The following NCKAP1L variants were observed in gnomAD, a reference collection of about 807,000 sequenced individuals.
The protein encoded by NCKAP1L is NCK associated protein 1 like, also known as nck-associated protein 1-like.
A neutral mutation model predicts 139.2 loss-of-function variants in NCKAP1L; 53 were observed. That is an observed-to-expected ratio of 0.38 (90% CI 0.31 to 0.48). The LOEUF (loss-of-function observed/expected upper bound fraction) is 0.48. Among genes scored for constraint, NCKAP1L ranks in the 20% least tolerant of loss-of-function variants. NCKAP1L has a pLI of 0.98. For missense variants in NCKAP1L, 1,151 were observed against 1,381.9 expected, an observed-to-expected ratio of 0.83 and a Z score of 2.65; for synonymous variants, 468 against 499.7, an observed-to-expected ratio of 0.94 and a Z score of 0.85.
intron 30 of NCKAP1L, 118 bp from the exon 31 acceptor site, chr12:54,542,457 C>T: frequency 1.3e-6 from 1 of 752,458 alleles, no homozygotes; most frequent in East Asian, 2.5e-5. Context: ...TGATTTGGAA[C>T]CCTGTTCACT....
chr12:54,498,434 T>TGTG (rs71070823), intron 1 of NCKAP1L, among the ~76,000 whole-genome samples: 7 of 149,564 alleles, frequency 4.7e-5, no homozygotes, highest in African/African-American at 1.2e-4. Context: ...TGTGTGTGTG[T>TGTG]TTAGAATAGG....
chr12:54,506,283 C>T (rs1057211397), intron 3 of NCKAP1L, among the ~76,000 whole-genome samples: 2 of 152,058 alleles, frequency 1.3e-5, no homozygotes, highest in Admixed American at 6.6e-5. Flanking sequence ...TCAGCACTTG[C>T]TATTATTAGA....
At chr12:54,514,894 G>C (rs1956918631) in intron 9 of NCKAP1L, among the ~76,000 whole-genome samples, 1 of 152,134 alleles carries the variant, frequency 6.6e-6, no homozygotes, top group Non-Finnish European at 1.5e-5. Flanking sequence ...ACTTTCTGAT[G>C]ATTACTGCTT....
At chr12:54,508,327 A>G (rs1956858994) in intron 4 of NCKAP1L, 62 bp from the exon 5 acceptor site, 2 of 1,550,556 alleles carry the variant, frequency 1.3e-6, no homozygotes, top group South Asian at 2.3e-5. Context: ...TGGTTGGGGA[A>G]AGAAGGAGAT....
intron 22 of NCKAP1L, among the ~76,000 whole-genome samples, chr12:54,529,007 A>G (rs1169194252): frequency 6.6e-6 from 1 of 152,192 alleles, no homozygotes; most frequent in Non-Finnish European, 1.5e-5. Flanking sequence ...AATAATAACG[A>G]TGATGAGATG....
In NCKAP1L at chr12:54,521,573, G is replaced by A. The variant is rs574655825; in HGVS notation, c.1878+335G>A. Reference sequence around the variant, plus strand: ...TCTTTGCCCTGCGTACACATACTAAGGACAGTGGCCCCCAGGTCACCTGTC... The same window carrying A: ...TCTTTGCCCTGCGTACACATACTAAAGACAGTGGCCCCCAGGTCACCTGTC... On this transcript the variant is annotated intron_variant, in intron 18 of 30. Transcript: ENST00000293373. Among the ~76,000 whole-genome samples the A allele has an allele frequency of 2.1e-4, 32 of 152,194 alleles. No individual in the cohort carries two copies. The East Asian group carries it at 5.6e-3, about 27-fold the overall frequency.
intron 15 of NCKAP1L, 93 bp downstream of exon 15, chr12:54,519,065 G>A: frequency 1.3e-6 from 2 of 1,552,584 alleles, no homozygotes; most frequent in Non-Finnish European, 1.8e-6. Flanking sequence ...GCTTTATGGA[G>A]TGAGTCAACT....
intron 3 of NCKAP1L, 176 bp downstream of exon 3, chr12:54,500,801 A>G (rs1282758533): frequency 1.8e-6 from 1 of 548,054 alleles, no homozygotes; most frequent in Admixed American, 3.3e-5. Flanking sequence ...ATAGTATATG[A>G]TACATCACAT....
rs1475544097 is a variant in NCKAP1L, at chr12:54,511,662, C to T, written c.736-141C>T. Reference sequence around the variant, plus strand: ...CCTCAAGCTATCCTCCTGCCCCTGCCTCCTAAAGTGTTGGGATTAAAGGCG... The same window carrying T: ...CCTCAAGCTATCCTCCTGCCCCTGCTTCCTAAAGTGTTGGGATTAAAGGCG... On this transcript the variant is annotated intron_variant, in intron 7 of 30. Coordinates refer to ENST00000293373, the MANE Select transcript of NCKAP1L (RefSeq NM_005337.5). 3.8e-6 allele frequency: 3 copies of T among 791,948 alleles called. No homozygotes were observed. In the Admixed American group the frequency reaches 7.9e-5, roughly 21 times the overall value. The allele number at this position is 791,948 out of a possible 1,614,324, so 49.1% of individuals were successfully genotyped here. A position where few individuals can be genotyped will look rare whatever the true frequency, so the allele number is the denominator to read the frequency against.
chr12:54,508,558 A>G, intron 5 of NCKAP1L, 27 bp downstream of exon 5: 2 of 1,612,258 alleles, frequency 1.2e-6, no homozygotes, highest in Non-Finnish European at 1.7e-6. Context: ...GTATTATATG[A>G]AGAGTCTCAT....
intron 7 of NCKAP1L, among the ~76,000 whole-genome samples, chr12:54,511,281 T>C (rs1378441174): frequency 6.6e-6 from 1 of 152,220 alleles, no homozygotes; most frequent in Non-Finnish European, 1.5e-5. Flanking sequence ...AGTTCCTCTT[T>C]ATTTTCTCAA....
At chr12:54,500,053 C>T (rs1395750484) in intron 2 of NCKAP1L, among the ~76,000 whole-genome samples, 4 of 152,138 alleles carry the variant, frequency 2.6e-5, no homozygotes, top group Non-Finnish European at 5.9e-5. Context: ...TGTTTAAAGA[C>T]CTTCAGAGCA....
At chr12:54,538,641 A>G (rs1471484950) in intron 29 of NCKAP1L, among the ~76,000 whole-genome samples, 1 of 152,092 alleles carries the variant, frequency 6.6e-6, no homozygotes, top group East Asian at 1.9e-4. Flanking sequence ...GCCCCTTGCA[A>G]TCTCTCCCCT....
intron 3 of NCKAP1L, among the ~76,000 whole-genome samples, chr12:54,507,088 A>G (rs961041193): frequency 6.6e-6 from 1 of 151,760 alleles, no homozygotes; most frequent in Non-Finnish European, 1.5e-5. Flanking sequence ...ATAATGACCA[A>G]AAAACCTGTT....
At chr12:54,536,319 T>C in intron 28 of NCKAP1L, 74 bp downstream of exon 28, 2 of 1,067,358 alleles carry the variant, frequency 1.9e-6, no homozygotes, top group Non-Finnish European at 2.9e-6. Flanking sequence ...GAGACAGAGA[T>C]ACTGGAAAAT....
chr12:54,504,439 G>T (rs1385974673), intron 3 of NCKAP1L, among the ~76,000 whole-genome samples: 1 of 152,192 alleles, frequency 6.6e-6, no homozygotes, highest in Admixed American at 6.5e-5. Flanking sequence ...TAGCAAGAGG[G>T]TAGGTGCTGG....
rs747734129 is a variant in NCKAP1L at position 54,499,468 on chromosome 12, G to A, written c.213+3G>A. On this transcript the variant is annotated splice_donor_region_variant and intron_variant, in intron 2 of 30. Coordinates refer to ENST00000293373, the MANE Select transcript of NCKAP1L (RefSeq NM_005337.5). Reference sequence around the variant, plus strand: ...ACATAGATGTCCGAAACAGCACGGTGAGAACTTGGTCCTTCTCTCCTTTCT... The same window carrying A: ...ACATAGATGTCCGAAACAGCACGGTAAGAACTTGGTCCTTCTCTCCTTTCT... The A allele has an allele frequency of 1.6e-5, 24 of 1,507,426 alleles. No homozygotes were observed. The Admixed American group carries it at 2.8e-4, about 18-fold the overall frequency. 93.4% of individuals were successfully genotyped at this position (1,507,426 alleles called of 1,614,324 possible).
chr12:54,528,108 T>G, intron 21 of NCKAP1L, 139 bp from the exon 22 acceptor site: 1 of 996,126 alleles, frequency 1.0e-6, no homozygotes, highest in Non-Finnish European at 1.5e-6. Context: ...TAGAACATTG[T>G]GCCATCTTCT....
rs1451055582 is a variant in NCKAP1L, at chr12:54,500,419, C to G, written c.214-114C>G. 2.3e-5 allele frequency: 17 copies of G among 728,488 alleles called. No homozygotes were observed. In the South Asian group the frequency reaches 2.6e-4, roughly 11 times the overall value. 45.1% of individuals were successfully genotyped at this position (728,488 alleles called of 1,614,324 possible). ...GATTACAGGTGTGAGCCACTGCGCC[C>G]GGCCTCAACCCTCTTTAAGAATGTT... On this transcript the variant is annotated intron_variant, in intron 2 of 30. Coordinates refer to ENST00000293373, the MANE Select transcript of NCKAP1L (RefSeq NM_005337.5).
Sources: gnomAD v4.1 joint callset for allele counts (sites outside exome capture counted in the v4.1 genomes callset) on GRCh38, gnomAD v4.1.1 for gene constraint, MANE v1.5 for transcripts, NCBI Gene and HGNC (gene_info 2026-07-23, HGNC 2026-07-21) for gene names.